Variants in CREB1 observed in about 807,000 individuals in gnomAD.
CREB1 encodes cAMP responsive element binding protein 1, also known as cyclic AMP-responsive element-binding protein 1.
CREB1 carries 2 observed loss-of-function variants against 42.0 expected under a neutral mutation model. The ratio of observed to expected loss-of-function variants is 0.05; its 90% CI spans 0.02 to 0.15. CREB1 has a LOEUF of 0.15. Among genes scored for constraint, CREB1 ranks in the 10% least tolerant of loss-of-function variants. CREB1 has a pLI of 1.00. For synonymous variants in CREB1, 123 were observed against 139.9 expected, an observed-to-expected ratio of 0.88 and a Z score of 0.85; for missense variants, 199 against 388.9, an observed-to-expected ratio of 0.51 and a Z score of 4.11.
In CREB1 at chr2:207,600,951, CTAT is replaced by C. The variant is rs1559092959; in HGVS notation, c.*3894_*3896del. 5.1e-6 allele frequency: 1 copy of C among 194,772 alleles called. No individual in the cohort carries two copies. Among genetic ancestry groups the C allele is most frequent in the East Asian group, 8.0e-5 (1 of 12,432 alleles). The allele number at this position is 194,772 out of a possible 1,614,324, so 12.1% of individuals were successfully genotyped here. ...TTTAATATTTAACAAATTTTTAATTCTATGATCAGCCACAGTCAGCTATTACCA... is the reference window on the plus strand; with the variant it reads ...TTTAATATTTAACAAATTTTTAATTCGATCAGCCACAGTCAGCTATTACCA... On this transcript the variant is annotated 3_prime_UTR_variant, in exon 8 of 8. Transcript: ENST00000353267.
chr2:207,571,747 T>A (rs1183830309), intron 5 of CREB1: 1 of 455,504 alleles, frequency 2.2e-6, no homozygotes, highest in Non-Finnish European at 4.4e-6. Flanking sequence ...ACCTGAGGGA[T>A]ACAACATACT....
intron 1 of CREB1, among the ~76,000 whole-genome samples, chr2:207,547,240 T>A (rs2081333293): frequency 6.6e-6 from 1 of 152,246 alleles, no homozygotes; most frequent in South Asian, 2.1e-4. Flanking sequence ...CATAAACTTA[T>A]TTAAAAAACA....
Position 207,596,968 on chromosome 2 carries a change from A to G in CREB1, c.894A>G (p.Glu298=), listed in dbSNP as rs555229745. 4 of 1,613,002 alleles carry G rather than the reference A, an allele frequency of 2.5e-6. No homozygotes were observed. Among genetic ancestry groups the G allele is most frequent in the Non-Finnish European group, 3.4e-6 (4 of 1,179,828 alleles). The part of the protein sequence containing the change: ...RKKKEYVKCL[E]NRVAVLENQN... Reference sequence around the variant, plus strand: ...AGAAAGAATATGTGAAATGTTTAGAAAACAGAGTGGCAGTGCTTGAAAATC... The same window carrying G: ...AGAAAGAATATGTGAAATGTTTAGAGAACAGAGTGGCAGTGCTTGAAAATC... The change falls in exon 8 of 8, where the codon GAA becomes GAG. Residue 298 remains glutamate, a synonymous_variant. Transcript: ENST00000353267.
intron 1 of CREB1, among the ~76,000 whole-genome samples, chr2:207,533,511 A>G (rs1188781052): frequency 6.6e-6 from 1 of 152,238 alleles, no homozygotes; most frequent in Admixed American, 6.5e-5. Flanking sequence ...ACAATATATT[A>G]CCGAAATTTA....
At chr2:207,590,763 G>T (rs987685000) in intron 7 of CREB1, among the ~76,000 whole-genome samples, 3 of 152,100 alleles carry the variant, frequency 2.0e-5, no homozygotes, top group Admixed American at 6.5e-5. Context: ...CTGTGTTCCA[G>T]TAAAACTTTA....
intron 1 of CREB1, chr2:207,550,568 C>G (rs555814817): frequency 4.6e-5 from 7 of 152,188 alleles, no homozygotes; most frequent in Admixed American, 1.3e-4. Context: ...GGGACACTTC[C>G]TAAAGGTCAA....
chr2:207,561,133 C>T, intron 3 of CREB1: 1 of 1,613,370 alleles, frequency 6.2e-7, no homozygotes. Context: ...CCTGTAAGGA[C>T]TTAAAAAGAC....
In CREB1 at chr2:207,598,772, A is replaced by T. The variant is rs2086587661; in HGVS notation, c.*1714A>T. 6.0e-6 allele frequency: 1 copy of T among 167,162 alleles called. No homozygotes were observed. The highest frequency in any genetic ancestry group is 1.3e-5 in the Non-Finnish European group (1 of 76,924). The allele number at this position is 167,162 out of a possible 1,614,324, so 10.4% of individuals were successfully genotyped here. A position where few individuals can be genotyped will look rare whatever the true frequency, so the allele number is the denominator to read the frequency against. ...TGAGGCAGCAGAATTGCTTGAACCC[A>T]GGAGGCAGAGGGTTGCAGTGAGCCG... On this transcript the variant is annotated 3_prime_UTR_variant, in exon 8 of 8. Transcript: ENST00000353267.
intron 7 of CREB1, among the ~76,000 whole-genome samples, chr2:207,583,512 T>G (rs973282025): frequency 3.3e-5 from 5 of 152,212 alleles, no homozygotes; most frequent in Non-Finnish European, 7.3e-5. Flanking sequence ...CTTCTTTTTG[T>G]TTTTGGCCTA....
chr2:207,555,624 A>G lies in CREB1; in HGVS notation c.-8-4A>G. ...GCTTGTAACACTCTTCCATATTATTATAGGTAACTAAATGACCATGGAATC... is the reference window on the plus strand; with the variant it reads ...GCTTGTAACACTCTTCCATATTATTGTAGGTAACTAAATGACCATGGAATC... On this transcript the variant is annotated splice_region_variant and splice_polypyrimidine_tract_variant and intron_variant, in intron 1 of 7. Transcript: ENST00000353267. 1.9e-6 allele frequency: 3 copies of G among 1,561,564 alleles called. No individual in the cohort carries two copies. Among genetic ancestry groups the G allele is most frequent in the Non-Finnish European group, 2.6e-6 (3 of 1,133,474 alleles).
At chr2:207,575,189 A>C in intron 5 of CREB1, 83 bp from the exon 6 acceptor site, 2 of 1,356,090 alleles carry the variant, frequency 1.5e-6, no homozygotes, top group Non-Finnish European at 2.0e-6. Flanking sequence ...AGATTATTTT[A>C]CAAATTATTC....
intron 1 of CREB1, among the ~76,000 whole-genome samples, chr2:207,530,432 C>CG (rs1287044310): frequency 7.0e-6 from 1 of 142,018 alleles, no homozygotes; most frequent in Non-Finnish European, 1.5e-5. Flanking sequence ...AGCCGGCGGC[C>CG]GGGGGTGTGT....
intron 1 of CREB1, among the ~76,000 whole-genome samples, chr2:207,549,840 C>A (rs2106418134): frequency 6.6e-6 from 1 of 152,072 alleles, no homozygotes; most frequent in East Asian, 1.9e-4. Flanking sequence ...AAAATTGGCA[C>A]ACACCTGTAG....
At chr2:207,583,085 A>G (rs2083227768) in intron 7 of CREB1, among the ~76,000 whole-genome samples, 1 of 152,122 alleles carries the variant, frequency 6.6e-6, no homozygotes, top group East Asian at 1.9e-4. Context: ...AACCTAGTAT[A>G]ACAACTATTT....
intron 7 of CREB1, among the ~76,000 whole-genome samples, chr2:207,588,318 C>T (rs1390745175): frequency 6.6e-6 from 1 of 151,740 alleles, no homozygotes; most frequent in African/African-American, 2.4e-5. Context: ...ATTGAATTGC[C>T]CTTGCTCTTT....
intron 1 of CREB1, 43 bp from the exon 2 acceptor site, chr2:207,555,585 C>A: frequency 1.6e-6 from 2 of 1,284,516 alleles, no homozygotes; most frequent in Non-Finnish European, 2.2e-6. Flanking sequence ...CACGAAAGCA[C>A]AAAGCACTGT....
intron 6 of CREB1, among the ~76,000 whole-genome samples, chr2:207,576,085 C>G (rs1461099261): frequency 6.6e-6 from 1 of 151,440 alleles, no homozygotes; most frequent in South Asian, 2.1e-4. Flanking sequence ...TCTCAGGCTC[C>G]CAAAGTGTTG....
intron 7 of CREB1, among the ~76,000 whole-genome samples, chr2:207,579,720 C>CT (rs2082771199): frequency 6.6e-6 from 1 of 152,202 alleles, no homozygotes; most frequent in African/African-American, 2.4e-5. Context: ...TCCTTTTCCC[C>CT]TTTGTTACCA....
chr2:207,556,244 CTTTCA>C (rs1006386848), intron 2 of CREB1, among the ~76,000 whole-genome samples: 7 of 151,964 alleles, frequency 4.6e-5, no homozygotes, highest in Admixed American at 2.0e-4. Context: ...ATTTCTGATT[CTTTCA>C]TTTCATCTTT....
Sources: gnomAD v4.1 joint callset for allele counts (sites outside exome capture counted in the v4.1 genomes callset) on GRCh38, gnomAD v4.1.1 for gene constraint, MANE v1.5 for transcripts, NCBI Gene and HGNC (gene_info 2026-07-23, HGNC 2026-07-21) for gene names.